RGL1: variants seen among roughly 807,000 people sequenced by gnomAD.
RGL1 encodes the protein ral guanine nucleotide dissociation stimulator like 1, also known as ral guanine nucleotide dissociation stimulator-like 1.
RGL1 carries 24 observed loss-of-function variants against 95.2 expected under a neutral mutation model. The observed-to-expected ratio is 0.25, with a 90% CI of 0.18 to 0.35. The LOEUF (loss-of-function observed/expected upper bound fraction) is 0.35. Ranked by LOEUF, RGL1 falls within the 10% of genes least tolerant of loss-of-function variation. The pLI is 1.00. For missense variants in RGL1, 715 were observed against 936.3 expected, an observed-to-expected ratio of 0.76 and a Z score of 3.08; for synonymous variants, 329 against 344.9, an observed-to-expected ratio of 0.95 and a Z score of 0.51.
intron 4 of RGL1, among the ~76,000 whole-genome samples, chr1:183,876,305 G>A (rs372203353): frequency 2.6e-5 from 4 of 152,272 alleles, no homozygotes; most frequent in Non-Finnish European, 5.9e-5. Context: ...TGACATCTGA[G>A]CATGTCTTCC....
At chr1:183,861,647 A>G (rs3010065) in intron 3 of RGL1, among the ~76,000 whole-genome samples, 22,264 of 152,182 alleles carry the variant, frequency 0.15, 2,049 homozygotes, top group East Asian at 0.28. Flanking sequence ...CATTCTGACA[A>G]TTTTTATTTT....
intron 3 of RGL1, among the ~76,000 whole-genome samples, chr1:183,851,961 G>A (rs1664850809): frequency 6.6e-6 from 1 of 152,182 alleles, no homozygotes; most frequent in Non-Finnish European, 1.5e-5. Context: ...TCAGTAGATT[G>A]TGGTAGACTT....
At chr1:183,925,049 A>G (rs1208355277) in intron 17 of RGL1, among the ~76,000 whole-genome samples, 1 of 152,228 alleles carries the variant, frequency 6.6e-6, no homozygotes, top group East Asian at 1.9e-4. Context: ...ATGATTTCAT[A>G]TTACACTTGG....
Position 183,786,072 on chromosome 1 carries a change from T to C in RGL1, c.133-20303T>C, listed in dbSNP as rs114484245. On this transcript the variant is annotated intron_variant, in intron 2 of 18. Transcript: ENST00000304685. ...CAGCCTGGGCAACAGAGCCAGACCC[T>C]TTCAATCAATCAATCAATCAATGAA... 2.3e-3 allele frequency among the ~76,000 whole-genome samples: 352 copies of C among 151,756 alleles called. 2 individuals carry two copies. The highest frequency in any genetic ancestry group is 8.1e-3 in the African/African-American group (334 of 41,348).
At chr1:183,695,142 C>T (rs1229392950) in intron 1 of RGL1, among the ~76,000 whole-genome samples, 1 of 152,230 alleles carries the variant, frequency 6.6e-6, no homozygotes. Flanking sequence ...TCAGATATGA[C>T]ATCATGTCTG....
Position 183,928,008 on chromosome 1 carries a change from A to G in RGL1, c.*1716A>G. On this transcript the variant is annotated 3_prime_UTR_variant, in exon 18 of 18. Transcript: ENST00000360851. ...GGAGATTGGACTACACATTGTAAAG[A>G]CTGACTGGGTTTCAACTAGTCAAAA... The G allele has an allele frequency of 6.6e-6, 1 of 152,542 alleles. No individual in the cohort carries two copies. The highest frequency in any genetic ancestry group is 1.9e-4 in the East Asian group (1 of 5,186). 9.4% of individuals were successfully genotyped at this position (152,542 alleles called of 1,614,324 possible). A position where few individuals can be genotyped will look rare whatever the true frequency, so the allele number is the denominator to read the frequency against.
intron 1 of RGL1, among the ~76,000 whole-genome samples, chr1:183,686,132 CA>C (rs1558153009): frequency 6.6e-6 from 1 of 152,088 alleles, no homozygotes; most frequent in African/African-American, 2.4e-5. Flanking sequence ...TTATATATGT[CA>C]TGCCGAATCA....
chr1:183,883,587 C>G, intron 5 of RGL1, among the ~76,000 whole-genome samples, 199 bp from the exon 6 acceptor site: 1 of 152,186 alleles, frequency 6.6e-6, no homozygotes, highest in Non-Finnish European at 1.5e-5. Flanking sequence ...GGGCTCTGAT[C>G]TTAATAGAGA....
chr1:183,715,073 T>C (rs1655527967), intron 1 of RGL1, among the ~76,000 whole-genome samples: 1 of 152,156 alleles, frequency 6.6e-6, no homozygotes, highest in South Asian at 2.1e-4. Flanking sequence ...CTTAGAAAGG[T>C]TAGGAAACTT....
chr1:183,713,845 T>C (rs2102183501), intron 1 of RGL1, among the ~76,000 whole-genome samples: 1 of 152,348 alleles, frequency 6.6e-6, no homozygotes, highest in East Asian at 1.9e-4. Context: ...ATATTTTGCA[T>C]ATTTTATTCA....
chr1:183,821,375 T>C (rs572986439), intron 2 of RGL1, among the ~76,000 whole-genome samples: 4 of 152,306 alleles, frequency 2.6e-5, no homozygotes, highest in African/African-American at 9.6e-5. Context: ...TATTAGAATG[T>C]CATTATTGTA....
intron 2 of RGL1, among the ~76,000 whole-genome samples, chr1:183,826,603 G>C (rs757914772): frequency 2.0e-5 from 3 of 152,192 alleles, no homozygotes; most frequent in Non-Finnish European, 1.5e-5. Flanking sequence ...AATAAGAAAA[G>C]TGTATAGGTA....
At chr1:183,780,465 T>C (rs1045022968) in intron 2 of RGL1, among the ~76,000 whole-genome samples, 1 of 152,214 alleles carries the variant, frequency 6.6e-6, no homozygotes, top group Non-Finnish European at 1.5e-5. Flanking sequence ...GCTTCAGCAT[T>C]TAGAAATTAT....
intron 1 of RGL1, among the ~76,000 whole-genome samples, chr1:183,671,499 T>A (rs1222748937): frequency 6.6e-6 from 1 of 152,212 alleles, no homozygotes. Context: ...ACACTTGGTA[T>A]TGTCAGTGAA....
rs112432321 is a variant in RGL1 at position 183,741,235 on chromosome 1, G to A, written c.-32-891G>A. 3.8e-3 allele frequency among the ~76,000 whole-genome samples: 583 copies of A among 152,258 alleles called. 5 individuals carry two copies. The highest frequency in any genetic ancestry group is 0.013 in the African/African-American group (552 of 41,548). On this transcript the variant is annotated intron_variant, in intron 1 of 18. Coordinates refer to the RGL1 transcript ENST00000304685. ...TTTTATTCTTTAGGAAAAGTTTTAG[G>A]TAGATGGAACATCAGTAACAGTTTT...
chr1:183,669,168 T>C, intron 1 of RGL1, among the ~76,000 whole-genome samples: 1 of 152,100 alleles, frequency 6.6e-6, no homozygotes, highest in Non-Finnish European at 1.5e-5. Context: ...GGTCTCAATC[T>C]CATGACCTCG....
intron 4 of RGL1, among the ~76,000 whole-genome samples, chr1:183,876,724 G>C (rs1186781283): frequency 1.3e-5 from 2 of 152,236 alleles, no homozygotes; most frequent in African/African-American, 4.8e-5. Context: ...ACATATGTGT[G>C]TGTGTGTCTT....
intron 2 of RGL1, among the ~76,000 whole-genome samples, chr1:183,814,511 G>T (rs1661952705): frequency 6.6e-6 from 1 of 152,082 alleles, no homozygotes; most frequent in South Asian, 2.1e-4. Flanking sequence ...ATTTGAATTT[G>T]TTTCAGCACA....
Position 183,742,169 on chromosome 1 carries a change from AC to A in RGL1, c.14del (p.Pro5LeufsTer18). The A allele has an allele frequency of 6.2e-7, 1 of 1,613,948 alleles. No homozygotes were observed. The highest frequency in any genetic ancestry group is 8.5e-7 in the Non-Finnish European group (1 of 1,179,924). ...CTGCCTCTTTCAAGATGGAGGTGAA[AC>A]CTGTGGGAGAACCTACTCAAGAGGT... is the stretch of plus-strand genomic sequence containing the variant. On this transcript the variant is annotated frameshift_variant, in exon 2 of 19. Coordinates refer to the RGL1 transcript ENST00000304685. LOFTEE classifies it high-confidence loss of function.
Sources: allele counts gnomAD v4.1 joint callset (sites outside exome capture counted in the v4.1 genomes callset), GRCh38; gene constraint gnomAD v4.1.1; transcripts MANE v1.5; gene names NCBI Gene and HGNC (gene_info 2026-07-23, HGNC 2026-07-21).